The following MOK variants were observed in gnomAD, a reference collection of about 807,000 sequenced individuals.
MOK encodes MAPK/MAK/MRK overlapping kinase.
Under a neutral mutation model 54.2 loss-of-function variants are expected in MOK, and 59 were observed. The ratio of observed to expected loss-of-function variants is 1.09; its 90% CI spans 0.88 to 1.35. The LOEUF is 1.35. Among genes scored for constraint, MOK ranks in the 40% most tolerant of loss-of-function variants. MOK has a pLI of 0.00. For synonymous variants in MOK, 210 were observed against 202.7 expected, an observed-to-expected ratio of 1.04 and a Z score of -0.31; for missense variants, 517 against 526.2, an observed-to-expected ratio of 0.98 and a Z score of 0.17.
At chr14:102,278,475 A>C (rs1378191161) in intron 2 of MOK, 2 of 252,204 alleles carry the variant, frequency 7.9e-6, no homozygotes, top group Non-Finnish European at 1.6e-5. Flanking sequence ...GTTTTTGTAA[A>C]AGTAATTTGA....
intron 2 of MOK, among the ~76,000 whole-genome samples, chr14:102,273,030 C>T (rs191185124): frequency 1.5e-4 from 23 of 152,100 alleles, no homozygotes; most frequent in Non-Finnish European, 2.2e-4. Flanking sequence ...ATTCGCCAGG[C>T]GTGGTGGCGG....
intron 7 of MOK, among the ~76,000 whole-genome samples, chr14:102,246,701 G>A (rs2066119071): frequency 1.3e-5 from 2 of 150,898 alleles, no homozygotes; most frequent in South Asian, 4.1e-4. Flanking sequence ...TAGCTAGCGA[G>A]TTCGGTCCAG....
At chr14:102,299,994 A>G (rs2071976764) in intron 1 of MOK, among the ~76,000 whole-genome samples, 1 of 152,130 alleles carries the variant, frequency 6.6e-6, no homozygotes, top group Non-Finnish European at 1.5e-5. Context: ...CCTGGGCAAT[A>G]TAGGGAGACC....
rs531044387 is a variant in MOK, at chr14:102,302,437, G to A, written c.7+2525C>T. ...TATTTATTTTCTTTTTTTTTGAGACGGAGTCTCTTGCTTTGTTGCCCAGGC... is the reference window on the plus strand; with the variant it reads ...TATTTATTTTCTTTTTTTTTGAGACAGAGTCTCTTGCTTTGTTGCCCAGGC... On this transcript the variant is annotated intron_variant, in intron 1 of 11. Transcript: ENST00000361847. 5.4e-5 allele frequency among the ~76,000 whole-genome samples: 8 copies of A among 148,454 alleles called. No homozygotes were observed. The South Asian group carries it at 8.5e-4, about 16-fold the overall frequency.
intron 2 of MOK, among the ~76,000 whole-genome samples, chr14:102,270,750 A>T (rs1002643317): frequency 2.0e-5 from 3 of 152,308 alleles, no homozygotes; most frequent in East Asian, 1.9e-4. Context: ...CCTATTTAAT[A>T]AAATAGCCCT....
chr14:102,283,457 A>G, intron 2 of MOK, 21 bp downstream of exon 2: 3 of 1,537,960 alleles, frequency 2.0e-6, no homozygotes, highest in Non-Finnish European at 2.7e-6. Context: ...GTTTGGTCCC[A>G]AGTGCATCTC....
At chr14:102,261,456 T>TATATATATTC (rs2067458912) in intron 4 of MOK, among the ~76,000 whole-genome samples, 1 of 103,990 alleles carries the variant, frequency 9.6e-6, no homozygotes, top group African/African-American at 3.6e-5. Context: ...TATATATATA[T>TATATATATTC]ATTCTAAACA....
chr14:102,265,915 A>G lies in MOK; in HGVS notation c.123-3T>C. ...GTAGGTTGTTGACTTGCTCAATACT[A>G]TCGTGTAGGTAAAAATGGATAGCTC... is the stretch of plus-strand genomic sequence containing the variant. On this transcript the variant is annotated splice_region_variant and splice_polypyrimidine_tract_variant and intron_variant, in intron 2 of 11. Coordinates refer to ENST00000361847, the MANE Select transcript of MOK (RefSeq NM_014226.3). The G allele has an allele frequency of 1.2e-6, 2 of 1,608,298 alleles. No individual in the cohort carries two copies. The highest frequency in any genetic ancestry group is 1.7e-6 in the Non-Finnish European group (2 of 1,175,854).
intron 1 of MOK, among the ~76,000 whole-genome samples, chr14:102,285,480 G>A (rs779087650): frequency 5.3e-5 from 8 of 152,014 alleles, no homozygotes; most frequent in Non-Finnish European, 1.0e-4. Flanking sequence ...ACAAACCATC[G>A]GTAAAAAGGT....
chr14:102,219,409 C>G, the MOK span, among the ~76,000 whole-genome samples: 2 of 152,232 alleles, frequency 1.3e-5, no homozygotes, highest in Non-Finnish European at 2.9e-5. Context: ...CTGTGTCGCA[C>G]CCCCTGCTTC....
chr14:102,294,259 A>G (rs1296847200), intron 1 of MOK, among the ~76,000 whole-genome samples: 1 of 151,960 alleles, frequency 6.6e-6, no homozygotes, highest in Non-Finnish European at 1.5e-5. Context: ...ATCCTGGCTA[A>G]CATGGTGAAA....
chr14:102,224,703 CATT>C (rs1397775178), downstream of MOK: 15 of 455,902 alleles, frequency 3.3e-5, no homozygotes, highest in African/African-American at 2.6e-4. Flanking sequence ...TCGGAGGAGA[CATT>C]AGTTACAGCT....
chr14:102,226,379 G>A (rs955168448), downstream of MOK: 1 of 703,132 alleles, frequency 1.4e-6, no homozygotes, highest in Non-Finnish European at 2.6e-6. The surrounding 1 kb of genome is among the most constrained non-coding windows in gnomAD (Gnocchi z 4.8). Flanking sequence ...GAGGACGGCT[G>A]AGGCCTCATC....
intron 1 of MOK, among the ~76,000 whole-genome samples, chr14:102,299,812 G>A (rs1377385303): frequency 6.6e-6 from 1 of 152,118 alleles, no homozygotes; most frequent in Non-Finnish European, 1.5e-5. Flanking sequence ...TCAGACTCCT[G>A]GATTTAAGCA....
At chr14:102,251,045 T>G in intron 6 of MOK, 55 bp from the exon 7 acceptor site, 1 of 1,558,976 alleles carries the variant, frequency 6.4e-7, no homozygotes, top group African/African-American at 1.4e-5. Flanking sequence ...GCTATCATAA[T>G]ACAAACCACT....
At chr14:102,274,537 G>A (rs571044223) in intron 2 of MOK, among the ~76,000 whole-genome samples, 116 of 151,744 alleles carry the variant, frequency 7.6e-4, no homozygotes, top group Non-Finnish European at 1.2e-3. Flanking sequence ...GATTACAGGC[G>A]TGAGAAACTG....
At chr14:102,275,229 C>A (rs2068746648) in intron 2 of MOK, among the ~76,000 whole-genome samples, 1 of 152,046 alleles carries the variant, frequency 6.6e-6, no homozygotes, top group African/African-American at 2.4e-5. Context: ...GGGGAAAAAA[C>A]TGATGCTTGA....
intron 1 of MOK, among the ~76,000 whole-genome samples, chr14:102,290,083 G>C (rs547605176): frequency 6.7e-4 from 101 of 150,504 alleles, no homozygotes; most frequent in African/African-American, 2.4e-3. Context: ...GGAAGGGTTT[G>C]AGTATTACTT....
At chr14:102,291,368 A>G (rs1326540553) in intron 1 of MOK, among the ~76,000 whole-genome samples, 1 of 152,220 alleles carries the variant, frequency 6.6e-6, no homozygotes, top group African/African-American at 2.4e-5. Flanking sequence ...TGTACAGTTT[A>G]AAACCTCATT....
Sources: allele counts gnomAD v4.1 joint callset (sites outside exome capture counted in the v4.1 genomes callset), GRCh38; gene constraint gnomAD v4.1.1; non-coding constraint Gnocchi (gnomAD v3.1); transcripts MANE v1.5; gene names NCBI Gene and HGNC (gene_info 2026-07-23, HGNC 2026-07-21).